Variants in PCDHGA7 observed in about 807,000 individuals in gnomAD.
The protein encoded by PCDHGA7 is protocadherin gamma-A7.
PCDHGA7 carries 44 observed loss-of-function variants against 58.3 expected under a neutral mutation model. The observed-to-expected ratio is 0.75, with a 90% CI of 0.59 to 0.97. The LOEUF (loss-of-function observed/expected upper bound fraction) is 0.97, where lower values mean the gene tolerates loss of function less well. PCDHGA7 is among the 50% of genes least tolerant of loss of function. PCDHGA7 has a pLI of 0.00. For synonymous variants in PCDHGA7, 516 were observed against 504.2 expected (o/e 1.02, Z -0.31); for missense variants, 1,266 against 1,188.7 (o/e 1.06, Z -0.96).
At chr5:141,407,114 T>C (rs1309229793) in intron 1 of PCDHGA7, among the ~76,000 whole-genome samples, 1 of 152,228 alleles carries the variant, frequency 6.6e-6, no homozygotes, top group Non-Finnish European at 1.5e-5. Flanking sequence ...ATTATTTGGG[T>C]TTCAGTTGCT....
intron 1 of PCDHGA7, chr5:141,421,903 G>A (rs757656265): frequency 6.2e-6 from 10 of 1,613,704 alleles, no homozygotes; most frequent in African/African-American, 1.3e-5. Flanking sequence ...CCGAAAGGGC[G>A]CAGTTCCCAT....
At chr5:141,472,323 C>T (rs980684595) in intron 1 of PCDHGA7, among the ~76,000 whole-genome samples, 4 of 151,498 alleles carry the variant, frequency 2.6e-5, no homozygotes, top group East Asian at 2.0e-4. Flanking sequence ...AGGCAGATCA[C>T]GAGGTTGGGA....
chr5:141,417,663 C>T (rs2096144136), intron 1 of PCDHGA7: 8 of 901,900 alleles, frequency 8.9e-6, no homozygotes, highest in Non-Finnish European at 1.3e-5. Flanking sequence ...CCTGGGATTC[C>T]CTGCGCAGCC....
At chr5:141,419,297 G>A (rs1460451634) in intron 1 of PCDHGA7, 1 of 1,614,048 alleles carries the variant, frequency 6.2e-7, no homozygotes, top group Admixed American at 1.7e-5. Context: ...CTCTGACCCA[G>A]ACTTCGGGCT....
rs576937130 is a variant in PCDHGA7 at position 141,427,508 on chromosome 5, G to A, written c.2424+42185G>A. ...ATAAGCTTGTAACAGATGGGACCCT[G>A]GATTGGGAGCGGATCCCGGAGTACA... On this transcript the variant is annotated intron_variant, in intron 1 of 3. Transcript: ENST00000518325. 9.9e-4 allele frequency: 584 copies of A among 587,058 alleles called. 6 individuals carry two copies. The highest frequency in any genetic ancestry group is 3.0e-4 in the Non-Finnish European group (94 of 311,294). The allele number at this position is 587,058 out of a possible 1,614,324, so 36.4% of individuals were successfully genotyped here.
At position 141,487,267 on chromosome 5, in the gene PCDHGA7, G is replaced by A; in HGVS notation, c.2425-7540G>A. 3 of 1,614,134 alleles carry A rather than the reference G, an allele frequency of 1.9e-6. No individual in the cohort carries two copies. The highest frequency in any genetic ancestry group is 2.5e-6 in the Non-Finnish European group (3 of 1,180,024). ...CCCTCTACTTGGCTGTGTCCCTAGT[G>A]GCAATTTGCTTTGTCTCCTTTGGCT... is the stretch of plus-strand genomic sequence containing the variant. On this transcript the variant is annotated intron_variant, in intron 1 of 3. Transcript: ENST00000518325. The surrounding 1 kb of genome is among the most constrained non-coding windows in gnomAD (Gnocchi z 5.0).
Position 141,476,239 on chromosome 5 carries a change from A to T in PCDHGA7, c.2425-18568A>T. ...TTCACTATGAGATCCCGGAGGAAAG[A>T]GAGAAGGGTTTCGCTGTGGGCAACG... is the stretch of plus-strand genomic sequence containing the variant. On this transcript the variant is annotated intron_variant, in intron 1 of 3. Coordinates refer to ENST00000518325, the MANE Select transcript of PCDHGA7 (RefSeq NM_018920.4). This position sits in a 1 kb window ranked among gnomAD's most constrained non-coding sequence, Gnocchi z 7.6. 1 of 1,613,826 alleles carries T rather than the reference A, an allele frequency of 6.2e-7. No homozygotes were observed. Among genetic ancestry groups the T allele is most frequent in the Non-Finnish European group, 8.5e-7 (1 of 1,179,996 alleles).
At chr5:141,448,200 T>C (rs2098574351) in intron 1 of PCDHGA7, among the ~76,000 whole-genome samples, 1 of 152,156 alleles carries the variant, frequency 6.6e-6, no homozygotes, top group Non-Finnish European at 1.5e-5. Context: ...CTTACAAACA[T>C]TTTCTGTGTG....
rs747044319 is a variant in PCDHGA7 at position 141,382,892 on chromosome 5, G to C, written c.-8G>C. The C allele has an allele frequency of 3.7e-5, 57 of 1,534,302 alleles. No individual in the cohort carries two copies. In the East Asian group the frequency reaches 9.8e-4, roughly 26 times the overall value. On this transcript the variant is annotated 5_prime_UTR_variant, in exon 1 of 4. Coordinates refer to ENST00000518325, the MANE Select transcript of PCDHGA7 (RefSeq NM_018920.4). ...GATCGGCGCCTAAGCAAGAGAAGCA[G>C]GACGACTATGGCGGCTCAGCCGAGG...
chr5:141,424,786 T>G (rs1219509852), intron 1 of PCDHGA7: 1 of 152,210 alleles, frequency 6.6e-6, no homozygotes, highest in Non-Finnish European at 1.5e-5. Flanking sequence ...ATTCAGTTCT[T>G]TTATTCAGAC....
rs754850386 is a variant in PCDHGA7 at position 141,382,896 on chromosome 5, G to T, written c.-4G>T. 1 of 1,537,674 alleles carries T rather than the reference G, an allele frequency of 6.5e-7. No homozygotes were observed. The highest frequency in any genetic ancestry group is 2.1e-5 in the Admixed American group (1 of 47,152). On this transcript the variant is annotated 5_prime_UTR_variant, in exon 1 of 4. Coordinates refer to ENST00000518325, the MANE Select transcript of PCDHGA7 (RefSeq NM_018920.4). Reference sequence around the variant, plus strand: ...GGCGCCTAAGCAAGAGAAGCAGGACGACTATGGCGGCTCAGCCGAGGGGCG... The same window carrying T: ...GGCGCCTAAGCAAGAGAAGCAGGACTACTATGGCGGCTCAGCCGAGGGGCG...
chr5:141,398,908 G>A, intron 1 of PCDHGA7: 2 of 1,613,978 alleles, frequency 1.2e-6, no homozygotes, highest in East Asian at 2.2e-5. Flanking sequence ...AGGCACCACT[G>A]TGTTGCAAGT....
intron 1 of PCDHGA7, among the ~76,000 whole-genome samples, chr5:141,457,938 G>A (rs915640623): frequency 6.6e-6 from 1 of 152,160 alleles, no homozygotes; most frequent in African/African-American, 2.4e-5. Flanking sequence ...GCTTTTATTG[G>A]CTCTGCATGT....
intron 1 of PCDHGA7, among the ~76,000 whole-genome samples, chr5:141,475,237 G>C (rs2099360785): frequency 6.6e-6 from 1 of 152,234 alleles, no homozygotes. Flanking sequence ...AAACGATAGA[G>C]AGAGTGTGCT....
chr5:141,497,239 G>A (rs2099775226), intron 2 of PCDHGA7, among the ~76,000 whole-genome samples: 1 of 152,104 alleles, frequency 6.6e-6, no homozygotes, highest in Admixed American at 6.5e-5. Flanking sequence ...AAGGCTTCTA[G>A]GAGGAGGTGA....
At chr5:141,406,836 TC>T (rs2094857566) in intron 1 of PCDHGA7, among the ~76,000 whole-genome samples, 1 of 152,232 alleles carries the variant, frequency 6.6e-6, no homozygotes, top group Non-Finnish European at 1.5e-5. Context: ...AACTTGCATA[TC>T]AGATATAATT....
chr5:141,387,784 T>C (rs2091093181), intron 1 of PCDHGA7: 11 of 1,472,396 alleles, frequency 7.5e-6, no homozygotes, highest in African/African-American at 4.2e-5. Flanking sequence ...GAACTGGAAC[T>C]GCAACTAAAG....
At chr5:141,403,425 T>C in intron 1 of PCDHGA7, 1 of 1,614,040 alleles carries the variant, frequency 6.2e-7, no homozygotes, top group South Asian at 1.1e-5. Context: ...CCAGAAGCTA[T>C]TGATCCGGAT....
chr5:141,490,098 T>C lies in PCDHGA7; in HGVS notation c.2425-4709T>C, dbSNP rs774132407. On this transcript the variant is annotated intron_variant, in intron 1 of 3. Transcript: ENST00000518325. The surrounding 1 kb of genome is among the most constrained non-coding windows in gnomAD (Gnocchi z 5.4). ...ACTATTCTTTTGGAGACCACACATCTGAGGCAGTGCGGAACCTCTTTGGCC... is the reference window on the plus strand; with the variant it reads ...ACTATTCTTTTGGAGACCACACATCCGAGGCAGTGCGGAACCTCTTTGGCC... The C allele has an allele frequency of 6.2e-7, 1 of 1,614,260 alleles. No homozygotes were observed. The highest frequency in any genetic ancestry group is 8.5e-7 in the Non-Finnish European group (1 of 1,180,038).
Sources: allele counts gnomAD v4.1 joint callset (sites outside exome capture counted in the v4.1 genomes callset), GRCh38; gene constraint gnomAD v4.1.1; non-coding constraint Gnocchi (gnomAD v3.1); transcripts MANE v1.5; gene names NCBI Gene and HGNC (gene_info 2026-07-23, HGNC 2026-07-21).